Variants in VTI1A observed in about 807,000 individuals in gnomAD.
VTI1A encodes vesicle transport through interaction with t-SNAREs homolog 1A.
A neutral mutation model predicts 34.9 loss-of-function variants in VTI1A; 22 were observed. The ratio of observed to expected loss-of-function variants is 0.63; its 90% CI spans 0.45 to 0.90. The LOEUF (loss-of-function observed/expected upper bound fraction) is 0.90, where lower values mean the gene tolerates loss of function less well. VTI1A is among the 40% of genes least tolerant of loss of function. VTI1A has a pLI of 0.00. For missense variants in VTI1A, 268 were observed against 275.6 expected (o/e 0.97, Z 0.20); for synonymous variants, 87 against 97.3 (o/e 0.89, Z 0.62).
intron 7 of VTI1A, among the ~76,000 whole-genome samples, chr10:112,713,329 T>C (rs996537324): frequency 4.6e-5 from 7 of 152,238 alleles, no homozygotes; most frequent in Non-Finnish European, 1.0e-4. Context: ...GCATATGATT[T>C]TTTTTACCAT....
chr10:112,789,833 G>A (rs1852402403), intron 7 of VTI1A, among the ~76,000 whole-genome samples: 1 of 151,650 alleles, frequency 6.6e-6, no homozygotes, highest in South Asian at 2.1e-4. Context: ...TCAATTCTTT[G>A]AACATATTTC....
chr10:112,453,518 C>T (rs1455111648), intron 1 of VTI1A, among the ~76,000 whole-genome samples: 1 of 152,140 alleles, frequency 6.6e-6, no homozygotes, highest in East Asian at 1.9e-4. Flanking sequence ...TCAGTATGGA[C>T]TCATAGATAC....
chr10:112,777,760 C>T (rs567506138), intron 7 of VTI1A, among the ~76,000 whole-genome samples: 2 of 152,260 alleles, frequency 1.3e-5, no homozygotes, highest in South Asian at 2.1e-4. Context: ...CAGTGAAACT[C>T]GATTCTGCCC....
At chr10:112,561,848 TCTC>T (rs1851734484) in intron 5 of VTI1A, among the ~76,000 whole-genome samples, 1 of 152,134 alleles carries the variant, frequency 6.6e-6, no homozygotes, top group Admixed American at 6.5e-5. Context: ...GCTGTTGTAT[TCTC>T]TTTCCCTCTC....
At chr10:112,784,799 A>G (rs1852235630) in intron 7 of VTI1A, among the ~76,000 whole-genome samples, 1 of 152,238 alleles carries the variant, frequency 6.6e-6, no homozygotes, top group Non-Finnish European at 1.5e-5. Flanking sequence ...TATGCTAGTC[A>G]AAACGAAAAA....
At chr10:112,729,108 A>G (rs532118902) in intron 7 of VTI1A, among the ~76,000 whole-genome samples, 1 of 152,254 alleles carries the variant, frequency 6.6e-6, no homozygotes, top group South Asian at 2.1e-4. Flanking sequence ...GTTCCAAACC[A>G]CTTTTTACCC....
chr10:112,534,461 T>A (rs1850553186), intron 4 of VTI1A, among the ~76,000 whole-genome samples: 1 of 152,102 alleles, frequency 6.6e-6, no homozygotes, highest in Admixed American at 6.5e-5. Flanking sequence ...ACTTTTGAGT[T>A]TAATTTGACT....
intron 5 of VTI1A, among the ~76,000 whole-genome samples, chr10:112,597,589 C>T (rs1167806845): frequency 7.3e-6 from 1 of 136,870 alleles, no homozygotes; most frequent in Non-Finnish European, 1.6e-5. Context: ...TGCCTATAGT[C>T]CTAGCTATGG....
intron 7 of VTI1A, among the ~76,000 whole-genome samples, chr10:112,682,611 GAA>G (rs2133862235): frequency 6.6e-6 from 1 of 152,292 alleles, no homozygotes; most frequent in East Asian, 1.9e-4. Flanking sequence ...CCCTCCTTAA[GAA>G]CTTTTGCTAA....
chr10:112,471,009 T>G (rs1308641696), intron 3 of VTI1A, among the ~76,000 whole-genome samples: 2 of 152,106 alleles, frequency 1.3e-5, no homozygotes. Flanking sequence ...GAAAGCCTGT[T>G]TTGCATTTGC....
chr10:112,587,080 C>T (rs907525835), intron 5 of VTI1A, among the ~76,000 whole-genome samples: 6 of 152,068 alleles, frequency 3.9e-5, no homozygotes, highest in Non-Finnish European at 7.4e-5. Flanking sequence ...TTCAGTTGGG[C>T]CCTGACACTA....
intron 2 of VTI1A, among the ~76,000 whole-genome samples, chr10:112,463,837 A>G (rs1339649111): frequency 1.3e-5 from 2 of 152,136 alleles, no homozygotes; most frequent in African/African-American, 2.4e-5. Context: ...CTGATGTTTC[A>G]TGGATTACCC....
chr10:112,572,626 C>T (rs1564832109), intron 5 of VTI1A, among the ~76,000 whole-genome samples: 1 of 152,038 alleles, frequency 6.6e-6, no homozygotes, highest in Non-Finnish European at 1.5e-5. Context: ...ATCACGAGGT[C>T]AGGAGATCGA....
chr10:112,486,513 T>C (rs1295876602), intron 3 of VTI1A, among the ~76,000 whole-genome samples: 1 of 152,122 alleles, frequency 6.6e-6, no homozygotes, highest in Non-Finnish European at 1.5e-5. Flanking sequence ...GTTTACTTGC[T>C]CTGTTTCTAA....
intron 7 of VTI1A, among the ~76,000 whole-genome samples, chr10:112,759,608 G>T (rs1286713480): frequency 6.6e-6 from 1 of 152,204 alleles, no homozygotes; most frequent in Non-Finnish European, 1.5e-5. Flanking sequence ...TCTCCAGCTT[G>T]CAGAGAGCCA....
chr10:112,504,352 C>T (rs774434457), intron 3 of VTI1A, among the ~76,000 whole-genome samples: 2 of 152,076 alleles, frequency 1.3e-5, no homozygotes, highest in South Asian at 2.1e-4. Flanking sequence ...CAAATACAAG[C>T]GTATATTCTC....
rs73354449 is a variant in VTI1A at position 112,817,519 on chromosome 10, T to C, written c.*2136T>C. 416 of 229,746 alleles carry C rather than the reference T, an allele frequency of 1.8e-3. 2 individuals are homozygous for C. The highest frequency in any genetic ancestry group is 8.5e-3 in the African/African-American group (386 of 45,278). 14.2% of individuals were successfully genotyped at this position (229,746 alleles called of 1,614,324 possible). A position where few individuals can be genotyped will look rare whatever the true frequency, so the allele number is the denominator to read the frequency against. ...TTCAACCTTGGGAGTGGGAAGAATA[T>C]GAACAGATAACCCTTGGCCTAACAG... On this transcript the variant is annotated 3_prime_UTR_variant, in exon 8 of 8. Transcript: ENST00000393077.
chr10:112,598,818 A>T (rs1844770260), intron 5 of VTI1A, among the ~76,000 whole-genome samples: 1 of 152,190 alleles, frequency 6.6e-6, no homozygotes, highest in South Asian at 2.1e-4. Context: ...CCCCTTGGTA[A>T]TGCTGGTGTG....
intron 7 of VTI1A, chr10:112,736,734 T>A (rs367998185): frequency 6.4e-7 from 1 of 1,551,502 alleles, no homozygotes; most frequent in African/African-American, 1.4e-5. Flanking sequence ...GGTTGTTCTG[T>A]GAAAAAACAA....
Sources: allele counts gnomAD v4.1 joint callset (sites outside exome capture counted in the v4.1 genomes callset), GRCh38; gene constraint gnomAD v4.1.1; transcripts MANE v1.5; gene names NCBI Gene and HGNC (gene_info 2026-07-23, HGNC 2026-07-21).